Variants in FAM72B observed in about 807,000 individuals in gnomAD.
FAM72B encodes RUMY family member 2.
A neutral mutation model predicts 12.6 loss-of-function variants in FAM72B; 4 were observed. That is an observed-to-expected ratio of 0.32 (90% CI 0.16 to 0.73). The LOEUF (loss-of-function observed/expected upper bound fraction) is 0.73, where lower values mean the gene tolerates loss of function less well. Among genes scored for constraint, FAM72B ranks in the 30% least tolerant of loss-of-function variants. FAM72B has a pLI of 0.67. For synonymous variants in FAM72B, 13 were observed against 53.9 expected, an observed-to-expected ratio of 0.24 and a Z score of 3.32; for missense variants, 61 against 158.4, an observed-to-expected ratio of 0.39 and a Z score of 3.30.
chr1:121,182,158 G>A (rs1227220550), intron 1 of FAM72B, among the ~76,000 whole-genome samples: 8 of 152,014 alleles, frequency 5.3e-5, no homozygotes, highest in Non-Finnish European at 1.2e-4. Flanking sequence ...TTATTTTCTA[G>A]TGTTTTCCCT....
intron 1 of FAM72B, among the ~76,000 whole-genome samples, chr1:121,182,056 T>G (rs1331346892): frequency 6.6e-6 from 1 of 152,206 alleles, no homozygotes; most frequent in Non-Finnish European, 1.5e-5. Context: ...CAAAGATGAA[T>G]GGGTTAATAT....
chr1:121,176,785 A>T (rs1553316903), intron 3 of FAM72B, among the ~76,000 whole-genome samples: 1 of 152,178 alleles, frequency 6.6e-6, no homozygotes, highest in African/African-American at 2.4e-5. Context: ...GCATCACTAA[A>T]TACAGAGGTT....
At chr1:121,180,978 C>T (rs1654321498) in intron 2 of FAM72B, among the ~76,000 whole-genome samples, 1 of 152,220 alleles carries the variant, frequency 6.6e-6, no homozygotes, top group Non-Finnish European at 1.5e-5. Flanking sequence ...AGACCTCAAA[C>T]ATGGTTTTTA....
chr1:121,180,850 C>A (rs1553317536), intron 2 of FAM72B, among the ~76,000 whole-genome samples: 1 of 151,892 alleles, frequency 6.6e-6, no homozygotes, highest in South Asian at 2.1e-4. Context: ...CAGTATGAGA[C>A]CCCTCTAAAA....
At chr1:121,179,626 G>T (rs1654288448) in intron 2 of FAM72B, among the ~76,000 whole-genome samples, 1 of 152,020 alleles carries the variant, frequency 6.6e-6, no homozygotes, top group Non-Finnish European at 1.5e-5. Flanking sequence ...TCAGGAGTTT[G>T]AGAGCAGCCT....
chr1:121,167,656 G>A lies in FAM72B; in HGVS notation c.*1085C>T, dbSNP rs1224882774. 5.3e-5 allele frequency: 8 copies of A among 150,002 alleles called. No homozygotes were observed. The highest frequency in any genetic ancestry group is 1.2e-4 in the Non-Finnish European group (8 of 67,644). 9.3% of individuals were successfully genotyped at this position (150,002 alleles called of 1,614,324 possible). Reference sequence around the variant, plus strand: ...ATTAGCCTTATATTCTATACTTTAAGTACTATTTATTTATATTTTTACATA... The same window carrying A: ...ATTAGCCTTATATTCTATACTTTAAATACTATTTATTTATATTTTTACATA... On this transcript the variant is annotated 3_prime_UTR_variant, in exon 4 of 4. Transcript: ENST00000369390.
At position 121,168,956 on chromosome 1, in the gene FAM72B, T is replaced by C; in HGVS notation, c.356-121A>G. The C allele has an allele frequency of 5.2e-6, 3 of 575,262 alleles. No homozygotes were observed. The East Asian group carries it at 8.9e-5, about 17-fold the overall frequency. The allele number at this position is 575,262 out of a possible 1,614,324, so 35.6% of individuals were successfully genotyped here. A position where few individuals can be genotyped will look rare whatever the true frequency, so the allele number is the denominator to read the frequency against. On this transcript the variant is annotated intron_variant, in intron 3 of 3. Transcript: ENST00000369390. Reference sequence around the variant, plus strand: ...ACCATAGTGTTAGCAGTAAAAAGAGTAGCTATTGAAGAATGTACTGCAAAT... The same window carrying C: ...ACCATAGTGTTAGCAGTAAAAAGAGCAGCTATTGAAGAATGTACTGCAAAT...
chr1:121,177,548 CTATTAT>C (rs200543221), intron 2 of FAM72B, among the ~76,000 whole-genome samples: 66,462 of 103,782 alleles, frequency 0.64, 21,015 homozygotes, highest in East Asian at 0.81. Context: ...CATTTCTTTG[CTATTAT>C]TATTATTATT....
At chr1:121,182,003 C>T (rs1209698712) in intron 1 of FAM72B, among the ~76,000 whole-genome samples, 1 of 151,906 alleles carries the variant, frequency 6.6e-6, no homozygotes, top group Non-Finnish European at 1.5e-5. Context: ...AACAATTCAC[C>T]TAGCCTTCCT....
chr1:121,172,610 A>G (rs1219942493), intron 3 of FAM72B, among the ~76,000 whole-genome samples: 2 of 146,062 alleles, frequency 1.4e-5, no homozygotes, highest in Non-Finnish European at 2.9e-5. Context: ...TAAAAATACA[A>G]AAATTAGCCA....
At chr1:121,172,251 TGA>T (rs1244239351) in intron 3 of FAM72B, among the ~76,000 whole-genome samples, 1 of 142,512 alleles carries the variant, frequency 7.0e-6, no homozygotes, top group Non-Finnish European at 1.5e-5. Flanking sequence ...AAGAATGGCT[TGA>T]GCCTGGGAGG....
At chr1:121,170,057 G>A (rs1407523864) in intron 3 of FAM72B, among the ~76,000 whole-genome samples, 1 of 151,894 alleles carries the variant, frequency 6.6e-6, no homozygotes, top group Non-Finnish European at 1.5e-5. Context: ...TGCAACCTCT[G>A]CCTCCCAGGT....
chr1:121,170,083 G>A (rs1414435043), intron 3 of FAM72B, among the ~76,000 whole-genome samples: 1 of 152,082 alleles, frequency 6.6e-6, no homozygotes, highest in Non-Finnish European at 1.5e-5. Context: ...TGATTCTCAT[G>A]CCTCAGCCTC....
chr1:121,180,719 C>G (rs1341083381), intron 2 of FAM72B, among the ~76,000 whole-genome samples: 2 of 151,356 alleles, frequency 1.3e-5, no homozygotes, highest in Non-Finnish European at 2.9e-5. Flanking sequence ...CTTAGCCAGG[C>G]CTGGTGGTGC....
intron 3 of FAM72B, among the ~76,000 whole-genome samples, chr1:121,172,745 A>G (rs1466303661): frequency 1.9e-5 from 2 of 104,220 alleles, no homozygotes; most frequent in Non-Finnish European, 3.7e-5. Context: ...CCTGGGTGAC[A>G]GAATGACTCC....
intron 2 of FAM72B, among the ~76,000 whole-genome samples, chr1:121,180,665 G>C (rs1305097527): frequency 1.3e-5 from 2 of 151,982 alleles, no homozygotes; most frequent in African/African-American, 4.8e-5. Flanking sequence ...TTTGAGATCA[G>C]CCTGGGCAAC....
rs188140121 is a variant in FAM72B, at chr1:121,170,098, G to T, written c.356-1263C>A. On this transcript the variant is annotated intron_variant, in intron 3 of 3. Transcript: ENST00000369390. ...TGATTCTCATGCCTCAGCCTCCCGA[G>T]TAGCTGGGACTACAGGCAAATGCCA... Among the ~76,000 whole-genome samples the T allele has an allele frequency of 7.7e-4, 117 of 152,214 alleles. 1 individual carries two copies. The highest frequency in any genetic ancestry group is 6.8e-3 in the Middle Eastern group (2 of 294).
intron 2 of FAM72B, among the ~76,000 whole-genome samples, chr1:121,180,766 G>A: frequency 6.6e-6 from 1 of 151,306 alleles, no homozygotes; most frequent in Admixed American, 6.6e-5. Flanking sequence ...GGCTGAGGTA[G>A]GAGAATCACT....
At chr1:121,170,078 C>A (rs587724666) in intron 3 of FAM72B, among the ~76,000 whole-genome samples, 59 of 152,232 alleles carry the variant, frequency 3.9e-4, no homozygotes, top group African/African-American at 1.4e-3. Context: ...TCAAGTGATT[C>A]TCATGCCTCA....
Sources: gnomAD v4.1 joint callset for allele counts (sites outside exome capture counted in the v4.1 genomes callset) on GRCh38, gnomAD v4.1.1 for gene constraint, MANE v1.5 for transcripts, NCBI Gene and HGNC (gene_info 2026-07-23, HGNC 2026-07-21) for gene names.